The following LAMA2 variants were observed in gnomAD, a reference collection of about 807,000 sequenced individuals.
The protein encoded by LAMA2 is laminin subunit alpha 2, also known as laminin subunit alpha-2.
In LAMA2, 269 loss-of-function variants were observed where a neutral mutation model predicts 364.8. That is an observed-to-expected ratio of 0.74 (90% CI 0.67 to 0.82). The LOEUF (loss-of-function observed/expected upper bound fraction) is 0.82. LAMA2 is among the 40% of genes least tolerant of loss of function. The pLI, the probability that LAMA2 is intolerant of heterozygous loss-of-function variation, is 0.00. For synonymous variants in LAMA2, 1,379 were observed against 1,370.6 expected, an observed-to-expected ratio of 1.01 and a Z score of -0.14; for missense variants, 3,807 against 3,873.2, an observed-to-expected ratio of 0.98 and a Z score of 0.45.
At chr6:128,936,645 C>T (rs749577918) in intron 1 of LAMA2, among the ~76,000 whole-genome samples, 1 of 152,100 alleles carries the variant, frequency 6.6e-6, no homozygotes, top group Non-Finnish European at 1.5e-5. Context: ...GCAATTATAA[C>T]AATTTACTAT....
At chr6:129,254,281 CAGA>C (rs1431872112) in intron 14 of LAMA2, among the ~76,000 whole-genome samples, 1 of 152,174 alleles carries the variant, frequency 6.6e-6, no homozygotes, top group Non-Finnish European at 1.5e-5. Flanking sequence ...AATTGTATAA[CAGA>C]AGGAGAACTG....
At chr6:129,377,843 G>T (rs1269362935) in intron 34 of LAMA2, among the ~76,000 whole-genome samples, 3 of 152,216 alleles carry the variant, frequency 2.0e-5, no homozygotes, top group Non-Finnish European at 2.9e-5. Flanking sequence ...CAGTAGAACT[G>T]CTTGAGCTAA....
intron 34 of LAMA2, 25 bp from the exon 35 acceptor site, chr6:129,383,097 G>T (rs955483321): frequency 1.8e-5 from 28 of 1,575,906 alleles, no homozygotes; most frequent in Middle Eastern, 1.7e-4. Context: ...TATTAATTAT[G>T]TGTTTCCCGA....
intron 14 of LAMA2, among the ~76,000 whole-genome samples, chr6:129,255,090 C>T (rs986121921): frequency 1.3e-5 from 2 of 151,458 alleles, no homozygotes; most frequent in Admixed American, 6.6e-5. Flanking sequence ...CTCTCTGCAG[C>T]TTACTCAGCA....
chr6:128,968,123 G>T (rs1351807742), intron 1 of LAMA2, among the ~76,000 whole-genome samples: 2 of 152,208 alleles, frequency 1.3e-5, no homozygotes, highest in African/African-American at 2.4e-5. Context: ...TTTCCCTCCA[G>T]TCTGGTGAGC....
chr6:129,287,076 AGGGAGGGAGGGAAGGAGGGAAG>A, intron 18 of LAMA2, among the ~76,000 whole-genome samples: 3 of 12,674 alleles, frequency 2.4e-4, no homozygotes, highest in Non-Finnish European at 6.0e-4. Context: ...GGGAGGAAAG[AGGGAGGGAGGGAAGGAGGGAAG>A]GAGGGAGGAA....
intron 32 of LAMA2, among the ~76,000 whole-genome samples, chr6:129,363,207 G>A (rs1184813781): frequency 6.6e-6 from 1 of 152,138 alleles, no homozygotes; most frequent in Non-Finnish European, 1.5e-5. Context: ...GGGAGGCTGA[G>A]GCAGGAGGAT....
chr6:129,433,985 C>A (rs952006405), intron 41 of LAMA2, among the ~76,000 whole-genome samples: 11 of 152,122 alleles, frequency 7.2e-5, no homozygotes, highest in African/African-American at 2.7e-4. Flanking sequence ...ACAGAAATGA[C>A]ATTTGAACCC....
intron 3 of LAMA2, among the ~76,000 whole-genome samples, chr6:129,075,321 T>A (rs1231634743): frequency 6.6e-6 from 1 of 152,174 alleles, no homozygotes; most frequent in East Asian, 1.9e-4. Flanking sequence ...TGGCATGAGA[T>A]GCTGTCACGG....
intron 22 of LAMA2, among the ~76,000 whole-genome samples, chr6:129,303,382 G>A (rs903488369): frequency 1.8e-4 from 28 of 152,194 alleles, no homozygotes; most frequent in Admixed American, 1.2e-3. Context: ...CATCTGCAAA[G>A]AGAGATTTAC....
chr6:129,288,953 G>T (rs1789490429), intron 19 of LAMA2, among the ~76,000 whole-genome samples: 1 of 152,126 alleles, frequency 6.6e-6, no homozygotes, highest in African/African-American at 2.4e-5. Flanking sequence ...TGGGTCCCAG[G>T]ACATGCAGAA....
chr6:129,314,872 G>T, intron 24 of LAMA2, 74 bp downstream of exon 24: 1 of 1,527,300 alleles, frequency 6.5e-7, no homozygotes. Flanking sequence ...CAGGCACTGA[G>T]GGGTAGTAGA....
At chr6:129,088,709 C>T (rs1347063131) in intron 3 of LAMA2, among the ~76,000 whole-genome samples, 1 of 151,436 alleles carries the variant, frequency 6.6e-6, no homozygotes, top group Admixed American at 6.6e-5. Context: ...CCTCACTTCT[C>T]AGATGGGGCG....
intron 1 of LAMA2, among the ~76,000 whole-genome samples, chr6:129,041,105 T>C (rs921650201): frequency 1.3e-5 from 2 of 152,222 alleles, no homozygotes; most frequent in Non-Finnish European, 2.9e-5. Context: ...AAAATTCAAG[T>C]TTGAACTAGG....
chr6:129,202,517 C>T (rs546468828), intron 12 of LAMA2, among the ~76,000 whole-genome samples: 19 of 152,198 alleles, frequency 1.2e-4, no homozygotes, highest in African/African-American at 4.6e-4. Context: ...AAGCCCTCAC[C>T]ACACATCAAA....
chr6:129,187,510 T>C (rs1440943463), intron 10 of LAMA2, among the ~76,000 whole-genome samples: 8 of 151,820 alleles, frequency 5.3e-5, no homozygotes, highest in Non-Finnish European at 1.2e-4. Flanking sequence ...TCTGTTGATT[T>C]ATCTCCTAAT....
intron 16 of LAMA2, 26 bp downstream of exon 16, chr6:129,267,245 C>A (rs1442209701): frequency 2.1e-6 from 3 of 1,451,616 alleles, no homozygotes; most frequent in Non-Finnish European, 2.9e-6. Flanking sequence ...TTTGGGGATG[C>A]TGATTGACAA....
At chr6:129,372,202 A>T (rs755689466) in intron 34 of LAMA2, among the ~76,000 whole-genome samples, 1 of 152,140 alleles carries the variant, frequency 6.6e-6, no homozygotes, top group African/African-American at 2.4e-5. Flanking sequence ...GGTATTGTAC[A>T]TTCTATGGGT....
chr6:129,172,490 G>A (rs1274397245), intron 9 of LAMA2, among the ~76,000 whole-genome samples: 2 of 152,196 alleles, frequency 1.3e-5, no homozygotes, highest in African/African-American at 4.8e-5. Flanking sequence ...GCTGCTCAGG[G>A]GTCAGGGGTC....
Sources: gnomAD v4.1 joint callset for allele counts (sites outside exome capture counted in the v4.1 genomes callset) on GRCh38, gnomAD v4.1.1 for gene constraint, MANE v1.5 for transcripts, NCBI Gene and HGNC (gene_info 2026-07-23, HGNC 2026-07-21) for gene names.